Variants in ANO2 observed in about 807,000 individuals in gnomAD.
ANO2 encodes anoctamin 2.
Under a neutral mutation model 124.2 loss-of-function variants are expected in ANO2, and 101 were observed. The ratio of observed to expected loss-of-function variants is 0.81; its 90% CI spans 0.69 to 0.96. The LOEUF (loss-of-function observed/expected upper bound fraction) is 0.96. ANO2 is among the 40% of genes least tolerant of loss of function. ANO2 has a pLI of 0.00. For missense variants in ANO2, 1,293 were observed against 1,274.5 expected (o/e 1.01, Z -0.22); for synonymous variants, 486 against 482.5 (o/e 1.01, Z -0.09).
intron 4 of ANO2, among the ~76,000 whole-genome samples, chr12:5,845,201 G>A (rs1954644757): frequency 6.6e-6 from 1 of 151,594 alleles, no homozygotes; most frequent in South Asian, 2.1e-4. Flanking sequence ...GGAAGTCAAG[G>A]TTGCAATAAA....
At chr12:5,592,102 C>T (rs1372869777) in intron 20 of ANO2, among the ~76,000 whole-genome samples, 1 of 152,156 alleles carries the variant, frequency 6.6e-6, no homozygotes, top group Non-Finnish European at 1.5e-5. Flanking sequence ...AAAAATTACA[C>T]AAATATGTCC....
intron 9 of ANO2, among the ~76,000 whole-genome samples, chr12:5,803,906 G>T (rs1953117740): frequency 6.6e-6 from 1 of 152,202 alleles, no homozygotes; most frequent in South Asian, 2.1e-4. Context: ...TGCCTGCAAT[G>T]AGCCTGGGCC....
At chr12:5,599,418 C>T in intron 20 of ANO2, 66 bp downstream of exon 20, 1 of 1,530,058 alleles carries the variant, frequency 6.5e-7, no homozygotes, top group Non-Finnish European at 8.8e-7. Flanking sequence ...CTACCTTCCC[C>T]CTTCAACCCC....
At chr12:5,731,716 G>A (rs1269449897) in intron 14 of ANO2, among the ~76,000 whole-genome samples, 1 of 151,778 alleles carries the variant, frequency 6.6e-6, no homozygotes, top group Non-Finnish European at 1.5e-5. Context: ...ACGAACCACA[G>A]CACAAATTCT....
chr12:5,921,623 C>T (rs1941706566), intron 2 of ANO2, among the ~76,000 whole-genome samples: 1 of 152,214 alleles, frequency 6.6e-6, no homozygotes, highest in Non-Finnish European at 1.5e-5. Flanking sequence ...CATGCACACA[C>T]ACACTCACAC....
intron 3 of ANO2, among the ~76,000 whole-genome samples, chr12:5,878,991 C>G (rs150122529): frequency 1.6e-4 from 25 of 152,344 alleles, no homozygotes; most frequent in Non-Finnish European, 3.1e-4. Context: ...AATTGACCAT[C>G]AGGAACACTA....
intron 10 of ANO2, among the ~76,000 whole-genome samples, chr12:5,770,255 G>A (rs1437781148): frequency 6.6e-6 from 1 of 152,164 alleles, no homozygotes; most frequent in Non-Finnish European, 1.5e-5. Context: ...CCCAGTTCAC[G>A]GGATGGGAAC....
chr12:5,618,569 T>G (rs1328666952), intron 16 of ANO2, among the ~76,000 whole-genome samples: 1 of 152,200 alleles, frequency 6.6e-6, no homozygotes, highest in Non-Finnish European at 1.5e-5. Context: ...AACCCAGATC[T>G]GCCTGCCTCA....
chr12:5,781,384 C>T (rs1952390212), intron 10 of ANO2, among the ~76,000 whole-genome samples: 1 of 152,208 alleles, frequency 6.6e-6, no homozygotes, highest in Non-Finnish European at 1.5e-5. Flanking sequence ...GTGCCCCAGG[C>T]TAAGCCACTA....
rs71445659 is a variant in ANO2 at position 5,635,599 on chromosome 12, T to TCTCACACA, written c.1621-253_1621-252insTGTGTGAG. The stretch of plus-strand genomic sequence containing the variant: ...TTTTTGTCAGATTCCAAATGATTTA[T>TCTCACACA]CACACACACACACACACACACACAC... On this transcript the variant is annotated intron_variant, in intron 15 of 24. Coordinates refer to ENST00000682330, the MANE Select transcript of ANO2 (RefSeq NM_001364791.2). This position sits in a 1 kb window ranked among gnomAD's most constrained non-coding sequence, Gnocchi z 5.2. Among the ~76,000 whole-genome samples, 12 of 146,906 alleles carry TCTCACACA rather than the reference T, an allele frequency of 8.2e-5. No homozygotes were observed. The highest frequency in any genetic ancestry group is 3.0e-4 in the African/African-American group (12 of 39,570).
chr12:5,706,027 T>G (rs536779366), intron 14 of ANO2, among the ~76,000 whole-genome samples: 1 of 152,250 alleles, frequency 6.6e-6, no homozygotes, highest in South Asian at 2.1e-4. Flanking sequence ...TGGGGGAGAT[T>G]CGGGATGCCA....
chr12:5,642,476 T>C (rs1946433220), intron 15 of ANO2, among the ~76,000 whole-genome samples: 1 of 152,166 alleles, frequency 6.6e-6, no homozygotes, highest in Admixed American at 6.5e-5. Context: ...TCAAATTCTT[T>C]CAGTCCACCT....
chr12:5,945,321 C>A (rs1591824037), upstream of ANO2: 2 of 1,028,900 alleles, frequency 1.9e-6, no homozygotes, highest in Non-Finnish European at 2.4e-6. Context: ...CCGGCGCGCC[C>A]GCCCCTCGCC....
At chr12:5,715,244 C>T (rs1432146296) in intron 14 of ANO2, among the ~76,000 whole-genome samples, 1 of 152,154 alleles carries the variant, frequency 6.6e-6, no homozygotes, top group Admixed American at 6.5e-5. Context: ...TTCGGTCAAT[C>T]ATTTACCAAC....
intron 3 of ANO2, among the ~76,000 whole-genome samples, chr12:5,866,455 G>A (rs2137274006): frequency 6.6e-6 from 1 of 152,316 alleles, no homozygotes; most frequent in Admixed American, 6.5e-5. Flanking sequence ...GAGCTGGTTT[G>A]AGTTGGATGT....
rs191980311 is a variant in ANO2, at chr12:5,640,604, G to T, written c.1621-5257C>A. On this transcript the variant is annotated intron_variant, in intron 15 of 24. Transcript: ENST00000682330. ...CTTCTCAAAAGAAGACATTTATGCA[G>T]CCAACAGACACATGAAAAAATGCTC... Among the ~76,000 whole-genome samples, 100 of 152,274 alleles carry T rather than the reference G, an allele frequency of 6.6e-4. 1 individual carries two copies. The East Asian group carries it at 0.018, about 28-fold the overall frequency.
intron 19 of ANO2, among the ~76,000 whole-genome samples, chr12:5,607,185 G>T (rs1435699620): frequency 6.6e-6 from 1 of 151,962 alleles, no homozygotes; most frequent in Non-Finnish European, 1.5e-5. Flanking sequence ...ACTGAGCCAG[G>T]AACAGAAGAG....
At chr12:5,748,674 C>T (rs1951343147) in intron 11 of ANO2, among the ~76,000 whole-genome samples, 1 of 152,048 alleles carries the variant, frequency 6.6e-6, no homozygotes, top group Admixed American at 6.5e-5. Flanking sequence ...TAACAATCAC[C>T]TAGCATTATG....
chr12:5,648,415 C>G (rs1946750063), intron 14 of ANO2, among the ~76,000 whole-genome samples: 1 of 152,208 alleles, frequency 6.6e-6, no homozygotes, highest in Non-Finnish European at 1.5e-5. Flanking sequence ...TTTTGAGGCA[C>G]AGGTTAAGCT....
Sources: allele counts gnomAD v4.1 joint callset (sites outside exome capture counted in the v4.1 genomes callset), GRCh38; gene constraint gnomAD v4.1.1; non-coding constraint Gnocchi (gnomAD v3.1); transcripts MANE v1.5; gene names NCBI Gene and HGNC (gene_info 2026-07-23, HGNC 2026-07-21).